The following STIP1 variants were observed in gnomAD, a reference collection of about 807,000 sequenced individuals.
The protein encoded by STIP1 is stress induced phosphoprotein 1.
Under a neutral mutation model 77.4 loss-of-function variants are expected in STIP1, and 16 were observed. The ratio of observed to expected loss-of-function variants is 0.21; its 90% CI spans 0.14 to 0.31. The LOEUF (loss-of-function observed/expected upper bound fraction) is 0.31, where lower values mean the gene tolerates loss of function less well. STIP1 is among the 10% of genes least tolerant of loss of function. The pLI, the probability that STIP1 is intolerant of heterozygous loss-of-function variation, is 1.00. For synonymous variants in STIP1, 258 were observed against 246.6 expected (o/e 1.05, Z -0.44); for missense variants, 524 against 684.8 (o/e 0.77, Z 2.62).
rs1395189466 is a variant in STIP1, at chr11:64,195,805, A to G, written c.664A>G (p.Lys222Glu). The G allele has an allele frequency of 6.2e-7, 1 of 1,614,044 alleles. No homozygotes were observed. The highest frequency in any genetic ancestry group is 1.3e-5 in the African/African-American group (1 of 74,918). The change falls in exon 5 of 14, where the codon AAG becomes GAG. Residue 222 changes from lysine (K) to glutamate (E), a missense_variant. Coordinates refer to ENST00000305218, the MANE Select transcript of STIP1 (RefSeq NM_006819.3). ...AATGGAAGAAGATCTTCCAGAGAAT[A>G]AGAAGCAGGTCTTGTTTTTTTCTCT... ...EPMEEDLPEN[K>E]KQALKEKELG...
chr11:64,185,544 C>G, upstream of STIP1: 2 of 479,648 alleles, frequency 4.2e-6, no homozygotes, highest in Non-Finnish European at 3.8e-6. Context: ...GGCTAGGACC[C>G]CCATCCCGAT....
upstream of STIP1, chr11:64,185,633 G>C (rs1031674115): frequency 2.5e-5 from 18 of 714,928 alleles, no homozygotes; most frequent in South Asian, 3.1e-4. Flanking sequence ...GGGAGCGAGA[G>C]GGAAAGCAAC....
At chr11:64,202,573 G>A (rs1411223664) in intron 10 of STIP1, 1 of 386,878 alleles carries the variant, frequency 2.6e-6, no homozygotes, top group East Asian at 5.3e-5. Context: ...GTCAGCAATG[G>A]TTTTGGATTC....
chr11:64,196,185 C>CA (rs1946148117), intron 5 of STIP1, among the ~76,000 whole-genome samples: 1 of 151,944 alleles, frequency 6.6e-6, no homozygotes, highest in South Asian at 2.1e-4. Context: ...CACCTGAGGT[C>CA]AGGAGTTCAA....
chr11:64,192,499 T>TGAA (rs1298950396), intron 1 of STIP1, among the ~76,000 whole-genome samples: 11 of 152,094 alleles, frequency 7.2e-5, no homozygotes, highest in African/African-American at 2.2e-4. Flanking sequence ...TGAACATTTA[T>TGAA]CTATCCTGTG....
chr11:64,197,776 A>C, intron 7 of STIP1, 78 bp from the exon 8 acceptor site: 1 of 1,579,412 alleles, frequency 6.3e-7, no homozygotes, highest in East Asian at 2.2e-5. Flanking sequence ...GGGCCTTTCT[A>C]GCTGCAGGTG....
At chr11:64,187,811 C>G (rs1407678922) in intron 1 of STIP1, among the ~76,000 whole-genome samples, 1 of 151,648 alleles carries the variant, frequency 6.6e-6, no homozygotes, top group African/African-American at 2.4e-5. Flanking sequence ...ACCATCCTGG[C>G]TAGCACAGTG....
Position 64,186,235 on chromosome 11 carries a change from C to G in STIP1, c.-27C>G, listed in dbSNP as rs1028231435. On this transcript the variant is annotated 5_prime_UTR_variant, in exon 1 of 14. Transcript: ENST00000305218. ...GAACGCGGAGCGGACGGATTCGATT[C>G]AACGGGGTTCCGGACCGCGCTGCGC... 2.3e-5 allele frequency: 36 copies of G among 1,550,002 alleles called. No homozygotes were observed. The highest frequency in any genetic ancestry group is 3.1e-5 in the Non-Finnish European group (36 of 1,146,712).
chr11:64,201,877 C>T (rs1946222606), intron 10 of STIP1, among the ~76,000 whole-genome samples: 1 of 152,232 alleles, frequency 6.6e-6, no homozygotes, highest in South Asian at 2.1e-4. Flanking sequence ...TCCAGGGGAG[C>T]TCAGTGTACT....
intron 12 of STIP1, 91 bp from the exon 13 acceptor site, chr11:64,203,359 C>G: frequency 6.3e-7 from 1 of 1,588,726 alleles, no homozygotes; most frequent in Admixed American, 1.7e-5. Flanking sequence ...TTCTCTCTCC[C>G]CTTGTCAGTT....
intron 13 of STIP1, 42 bp from the exon 14 acceptor site, chr11:64,204,012 T>C (rs746514830): frequency 3.1e-6 from 5 of 1,601,864 alleles, no homozygotes; most frequent in East Asian, 2.2e-5. Context: ...AGTAAGACTT[T>C]AAAGGTTGTC....
At chr11:64,194,362 A>C in intron 3 of STIP1, 32 bp downstream of exon 3, 1 of 1,611,738 alleles carries the variant, frequency 6.2e-7, no homozygotes, top group Non-Finnish European at 8.5e-7. Flanking sequence ...CTTTCTTATT[A>C]TTAATGTGAT....
chr11:64,197,513 G>T lies in STIP1; in HGVS notation c.820G>T (p.Asp274Tyr). ...GGCAGCGGTATACTTTGAAAAGGGCGACTACAATAAGTGCCGGGAGCTTTG... is the reference window on the plus strand; with the variant it reads ...GGCAGCGGTATACTTTGAAAAGGGCTACTACAATAAGTGCCGGGAGCTTTG... ...NQAAVYFEKGDYNKCRELCEK... is the reference protein window; with the variant it reads ...NQAAVYFEKGYYNKCRELCEK... The change falls in exon 7 of 14, where the codon GAC becomes TAC. Residue 274 changes from aspartate (D) to tyrosine (Y), a missense_variant. Coordinates refer to ENST00000305218, the MANE Select transcript of STIP1 (RefSeq NM_006819.3). The T allele has an allele frequency of 6.2e-7, 1 of 1,614,142 alleles. No homozygotes were observed. Among genetic ancestry groups the T allele is most frequent in the South Asian group, 1.1e-5 (1 of 91,064 alleles).
At chr11:64,186,137 C>G, upstream of STIP1, 1 of 1,550,828 alleles carries the variant, frequency 6.4e-7, no homozygotes, top group East Asian at 2.4e-5. Flanking sequence ...GACCAGTGAG[C>G]AGGCGAGGAA....
chr11:64,199,463 C>T (rs1164785564), intron 8 of STIP1, among the ~76,000 whole-genome samples: 11 of 128,782 alleles, frequency 8.5e-5, no homozygotes, highest in South Asian at 8.1e-4. Flanking sequence ...GCCGAGATCG[C>T]GCCACTGCAC....
chr11:64,191,003 C>G (rs1228643546), intron 1 of STIP1, among the ~76,000 whole-genome samples: 1 of 151,818 alleles, frequency 6.6e-6, no homozygotes, highest in Non-Finnish European at 1.5e-5. Flanking sequence ...GCCTGACCAA[C>G]ATGGAGAAAC....
At chr11:64,185,744 A>G (rs2134773515), upstream of STIP1, 1 of 1,499,330 alleles carries the variant, frequency 6.7e-7, no homozygotes, top group East Asian at 2.5e-5. Flanking sequence ...TTTGAAGGGC[A>G]GCGATTTAAA....
At chr11:64,196,046 C>T (rs953579736) in intron 5 of STIP1, among the ~76,000 whole-genome samples, 1 of 152,038 alleles carries the variant, frequency 6.6e-6, no homozygotes, top group Admixed American at 6.6e-5. Flanking sequence ...ATTTTGAGTG[C>T]TTTAGTATGC....
chr11:64,194,483 A>G lies in STIP1; in HGVS notation c.366A>G (p.Arg122=), dbSNP rs543803601. Residue 122 remains arginine, a synonymous_variant, in exon 4 of 14, where the codon AGA becomes AGG. Coordinates refer to ENST00000305218, the MANE Select transcript of STIP1 (RefSeq NM_006819.3). ...LQNMEARLAE[R]KFMNPFNMPN... ...TGCTTTCCTTTATTTGGACAGAGAG[A>G]AAATTCATGAACCCTTTCAACATGC... The G allele has an allele frequency of 1.1e-4, 173 of 1,614,134 alleles. 3 individuals carry two copies. The South Asian group carries it at 1.8e-3, about 17-fold the overall frequency.
Sources: allele counts gnomAD v4.1 joint callset (sites outside exome capture counted in the v4.1 genomes callset), GRCh38; gene constraint gnomAD v4.1.1; transcripts MANE v1.5; gene names NCBI Gene and HGNC (gene_info 2026-07-23, HGNC 2026-07-21).